Variants in FAM178B observed in about 807,000 individuals in gnomAD.
The protein encoded by FAM178B is protein FAM178B.
FAM178B carries 82 observed loss-of-function variants against 91.7 expected under a neutral mutation model. The observed-to-expected ratio is 0.89, with a 90% CI of 0.75 to 1.07. The LOEUF is 1.07. Ranked by LOEUF, FAM178B falls within the 50% of genes least tolerant of loss-of-function variation. FAM178B has a pLI of 0.00. For missense variants in FAM178B, 769 were observed against 846.7 expected (o/e 0.91, Z 1.14); for synonymous variants, 368 against 359.4 (o/e 1.02, Z -0.27).
Position 96,878,411 on chromosome 2 carries a change from C to G in FAM178B, c.1854+5G>C. The G allele has an allele frequency of 6.2e-7, 1 of 1,613,664 alleles. No individual in the cohort carries two copies. The highest frequency in any genetic ancestry group is 2.2e-5 in the East Asian group (1 of 44,886). ...CACCACAGCCCTGCCCCTTGGGAGA[C>G]TCACCCACTGGTCTGGAGTGATGTC... On this transcript the variant is annotated splice_donor_5th_base_variant and intron_variant, in intron 15 of 16. Transcript: ENST00000490605.
intron 8 of FAM178B, among the ~76,000 whole-genome samples, chr2:96,943,180 T>C (rs945546109): frequency 3.9e-5 from 6 of 152,184 alleles, no homozygotes; most frequent in Admixed American, 3.9e-4. Flanking sequence ...CAAAGGACAT[T>C]ATCAAGAGAT....
chr2:96,969,904 G>A (rs902612231), intron 4 of FAM178B, among the ~76,000 whole-genome samples: 2 of 152,226 alleles, frequency 1.3e-5, no homozygotes. Flanking sequence ...GAGGAGGGTG[G>A]AAAGAGTGGG....
intron 14 of FAM178B, among the ~76,000 whole-genome samples, chr2:96,885,449 G>C (rs527666009): frequency 6.6e-6 from 1 of 152,370 alleles, no homozygotes; most frequent in South Asian, 2.1e-4. Flanking sequence ...CCTGGGCCCT[G>C]AGCAGCCCTG....
intron 8 of FAM178B, among the ~76,000 whole-genome samples, chr2:96,947,246 C>T (rs975014887): frequency 6.6e-6 from 1 of 152,186 alleles, no homozygotes; most frequent in Admixed American, 6.5e-5. Context: ...CATCCAAAAG[C>T]ATTATAAAGA....
At chr2:96,965,038 C>A (rs1347655353) in intron 5 of FAM178B, among the ~76,000 whole-genome samples, 1 of 152,158 alleles carries the variant, frequency 6.6e-6, no homozygotes. Flanking sequence ...CTCGCTCTGT[C>A]GCCCAGGCTG....
chr2:96,981,585 C>T (rs1264265821), intron 1 of FAM178B, among the ~76,000 whole-genome samples: 1 of 151,676 alleles, frequency 6.6e-6, no homozygotes, highest in Non-Finnish European at 1.5e-5. Context: ...CCCATCTCTA[C>T]TAAAAATCAG....
At chr2:96,941,891 C>T (rs1451401599) in intron 8 of FAM178B, among the ~76,000 whole-genome samples, 1 of 152,202 alleles carries the variant, frequency 6.6e-6, no homozygotes, top group East Asian at 1.9e-4. Context: ...TATACCAGCT[C>T]AGCTAAAACA....
chr2:96,910,580 C>T (rs552722294), intron 12 of FAM178B, among the ~76,000 whole-genome samples: 8 of 152,184 alleles, frequency 5.3e-5, no homozygotes, highest in East Asian at 1.9e-4. Flanking sequence ...TTATGGCCTT[C>T]GGCATTTCCC....
chr2:96,936,468 T>TG (rs200892856), intron 8 of FAM178B, among the ~76,000 whole-genome samples: 10,052 of 150,422 alleles, frequency 0.067, 454 homozygotes, highest in Middle Eastern at 0.17. Context: ...CCCAAAGTGC[T>TG]GGATTACAGG....
chr2:96,877,681 T>C (rs2080278670), intron 16 of FAM178B: 2 of 583,164 alleles, frequency 3.4e-6, no homozygotes, highest in African/African-American at 1.9e-5. Context: ...AGGCGTGAGC[T>C]ACCACGCCCA....
intron 1 of FAM178B, among the ~76,000 whole-genome samples, chr2:96,978,810 A>G (rs970483109): frequency 5.9e-5 from 9 of 151,894 alleles, no homozygotes; most frequent in African/African-American, 1.9e-4. Flanking sequence ...TATTTTTAGC[A>G]GGGACGGGGT....
intron 12 of FAM178B, 28 bp downstream of exon 12, chr2:96,921,137 G>GAGGAGGCAGCGGGGGAGC: frequency 6.5e-7 from 1 of 1,532,482 alleles, no homozygotes; most frequent in Non-Finnish European, 8.9e-7. Flanking sequence ...GTGTGAGAGG[G>GAGGAGGCAGCGGGGGAGC]AGGAGGCAGC....
At position 96,958,697 on chromosome 2, in the gene FAM178B, T is replaced by TAAAAAAAA. The variant is rs55924441; in HGVS notation, c.887+1583_887+1590dup. ...AGAGTGAGACTCCATCTCAAAATACTAAAAAAAAAAAAAAAAAAAAAAAAA... is the reference window on the plus strand; with the variant it reads ...AGAGTGAGACTCCATCTCAAAATACTAAAAAAAAAAAAAAAAAAAAAAAAAAAAAAAAA... On this transcript the variant is annotated intron_variant, in intron 6 of 16. Transcript: ENST00000490605. Among the ~76,000 whole-genome samples, 18 of 55,534 alleles carry TAAAAAAAA rather than the reference T, an allele frequency of 3.2e-4. 1 individual carries two copies. The highest frequency in any genetic ancestry group is 1.7e-3 in the East Asian group (2 of 1,188). 36.4% of individuals were successfully genotyped at this position (55,534 alleles called of 152,430 possible). A position where few individuals can be genotyped will look rare whatever the true frequency, so the allele number is the denominator to read the frequency against.
At chr2:96,968,482 C>T (rs963319854) in intron 4 of FAM178B, among the ~76,000 whole-genome samples, 1 of 152,144 alleles carries the variant, frequency 6.6e-6, no homozygotes, top group Non-Finnish European at 1.5e-5. Context: ...CTCCAGGTGC[C>T]CACCCTGGTT....
chr2:96,905,064 T>G (rs878867266), intron 12 of FAM178B, among the ~76,000 whole-genome samples: 2 of 134,508 alleles, frequency 1.5e-5, no homozygotes, highest in Non-Finnish European at 1.5e-5. Context: ...AAAAAAAAAA[T>G]GCAAATGGCA....
Position 96,907,328 on chromosome 2 carries a change from C to T in FAM178B, c.1563-4621G>A, listed in dbSNP as rs968448433. On this transcript the variant is annotated intron_variant, in intron 12 of 16. Coordinates refer to ENST00000490605, the MANE Select transcript of FAM178B (RefSeq NM_001122646.3). ...CCATGGAGAAGAAAAAGAAAAGCCT[C>T]ACCCCACCACCACCCAGACTGTGCA... Among the ~76,000 whole-genome samples the T allele has an allele frequency of 3.9e-5, 6 of 152,284 alleles. No homozygotes were observed. In the South Asian group the frequency reaches 1.0e-3, roughly 26 times the overall value.
chr2:96,890,448 A>C (rs535506836), intron 14 of FAM178B, among the ~76,000 whole-genome samples: 50 of 152,158 alleles, frequency 3.3e-4, no homozygotes, highest in Non-Finnish European at 6.2e-4. Context: ...TGAGCAATAG[A>C]GTGAGACAGG....
intron 12 of FAM178B, among the ~76,000 whole-genome samples, chr2:96,906,073 G>C (rs913577989): frequency 1.1e-4 from 16 of 148,792 alleles, no homozygotes; most frequent in African/African-American, 4.0e-4. Flanking sequence ...GTTTCTCCAT[G>C]TTGGTCAGGC....
At chr2:96,885,615 G>A (rs989497181) in intron 14 of FAM178B, among the ~76,000 whole-genome samples, 2 of 152,242 alleles carry the variant, frequency 1.3e-5, no homozygotes, top group Non-Finnish European at 2.9e-5. Flanking sequence ...TCCATCCGCC[G>A]GCTGGTGGCA....
Sources: allele counts gnomAD v4.1 joint callset (sites outside exome capture counted in the v4.1 genomes callset), GRCh38; gene constraint gnomAD v4.1.1; transcripts MANE v1.5; gene names NCBI Gene and HGNC (gene_info 2026-07-23, HGNC 2026-07-21).